The following CNTNAP2 variants were observed in gnomAD, a reference collection of about 807,000 sequenced individuals.
CNTNAP2 encodes the protein contactin associated protein 2.
In CNTNAP2, 98 loss-of-function variants were observed where a neutral mutation model predicts 155.2. That is an observed-to-expected ratio of 0.63 (90% confidence interval 0.54 to 0.75). The LOEUF is 0.75. CNTNAP2 is among the 30% of genes least tolerant of loss of function. The probability of loss-of-function intolerance (pLI) is 0.00; values close to 1 mark genes in which losing one functional copy is unlikely to be tolerated. For missense variants in CNTNAP2, 1,727 were observed against 1,688.1 expected, an observed-to-expected ratio of 1.02 and a Z score of -0.40; for synonymous variants, 651 against 631.2, an observed-to-expected ratio of 1.03 and a Z score of -0.47.
intron 1 of CNTNAP2, among the ~76,000 whole-genome samples, chr7:146,123,228 A>T (rs1261114741): frequency 6.6e-6 from 1 of 152,202 alleles, no homozygotes; most frequent in Admixed American, 6.5e-5. Context: ...TTACCTTGTG[A>T]TTTAGGTTTG....
chr7:147,238,078 G>C (rs1186448391), intron 8 of CNTNAP2, among the ~76,000 whole-genome samples: 1 of 152,150 alleles, frequency 6.6e-6, no homozygotes, highest in Non-Finnish European at 1.5e-5. Flanking sequence ...GCAGTGGCGC[G>C]ATCTCGGCTC....
intron 7 of CNTNAP2, among the ~76,000 whole-genome samples, 198 bp downstream of exon 7, chr7:147,129,034 CTTGAAGTAGGTGGTTGGTTT>C (rs1337248975): frequency 6.6e-6 from 1 of 152,090 alleles, no homozygotes; most frequent in African/African-American, 2.4e-5. Context: ...ATGGGACTAG[CTTGAAGTAGGTGGTTGGTTT>C]TATTCCCACG....
At chr7:146,228,535 G>T (rs553843677) in intron 1 of CNTNAP2, among the ~76,000 whole-genome samples, 1 of 152,140 alleles carries the variant, frequency 6.6e-6, no homozygotes, top group East Asian at 1.9e-4. Flanking sequence ...TTCAGTATAT[G>T]TATATATTCT....
chr7:146,371,958 C>CAAAA lies in CNTNAP2; in HGVS notation c.97+254995_97+254998dup, dbSNP rs111816450. On this transcript the variant is annotated intron_variant, in intron 1 of 23. Coordinates refer to ENST00000361727, the MANE Select transcript of CNTNAP2 (RefSeq NM_014141.6). ...TGGGCGACAGAGTGAAACTCCATCT[C>CAAAA]AAAAAAAAAAAAAGAAAAAATTGCA... Among the ~76,000 whole-genome samples the CAAAA allele has an allele frequency of 1.6e-3, 171 of 107,718 alleles. 1 individual carries two copies. The highest frequency in any genetic ancestry group is 5.0e-3 in the African/African-American group (164 of 32,814). The allele number at this position is 107,718 out of a possible 152,430, so 70.7% of individuals were successfully genotyped here.
At chr7:147,170,732 G>A (rs1802210227) in intron 8 of CNTNAP2, among the ~76,000 whole-genome samples, 1 of 152,130 alleles carries the variant, frequency 6.6e-6, no homozygotes, top group Non-Finnish European at 1.5e-5. Context: ...GGGATCTAAG[G>A]GGCCGCAGGC....
At chr7:146,518,113 C>G (rs906024388) in intron 1 of CNTNAP2, among the ~76,000 whole-genome samples, 1 of 151,866 alleles carries the variant, frequency 6.6e-6, no homozygotes, top group Middle Eastern at 3.4e-3. Context: ...CATTTCAGTT[C>G]AGTTTTAATT....
At chr7:147,122,550 C>G (rs1344657841) in intron 6 of CNTNAP2, 2 of 152,162 alleles carry the variant, frequency 1.3e-5, no homozygotes, top group Non-Finnish European at 2.9e-5. Flanking sequence ...TCAGATTTGC[C>G]AATGGCATTC....
intron 15 of CNTNAP2, among the ~76,000 whole-genome samples, chr7:148,067,885 T>C (rs1803297731): frequency 6.6e-6 from 1 of 152,096 alleles, no homozygotes; most frequent in East Asian, 1.9e-4. Flanking sequence ...CCCAGGGGGA[T>C]TATGGCTGCT....
intron 18 of CNTNAP2, among the ~76,000 whole-genome samples, chr7:148,210,925 C>G (rs1795536640): frequency 6.6e-6 from 1 of 152,228 alleles, no homozygotes. Flanking sequence ...AGGAGAAAAA[C>G]TGGTTGTGTT....
chr7:146,524,789 T>G (rs1175172077), intron 1 of CNTNAP2, among the ~76,000 whole-genome samples: 1 of 152,136 alleles, frequency 6.6e-6, no homozygotes, highest in African/African-American at 2.4e-5. Flanking sequence ...CTTTTTAAAG[T>G]AAACCATAGC....
At chr7:146,620,553 T>C (rs1799300262) in intron 1 of CNTNAP2, among the ~76,000 whole-genome samples, 1 of 152,212 alleles carries the variant, frequency 6.6e-6, no homozygotes. Flanking sequence ...CTATGACTCT[T>C]ATCTCCAGTT....
At chr7:146,331,983 C>A (rs1211760602) in intron 1 of CNTNAP2, among the ~76,000 whole-genome samples, 1 of 151,982 alleles carries the variant, frequency 6.6e-6, no homozygotes, top group African/African-American at 2.4e-5. Flanking sequence ...TAAAAGTAAT[C>A]TTTAAATTCT....
chr7:146,855,813 A>G (rs1162287424), intron 3 of CNTNAP2, among the ~76,000 whole-genome samples: 7 of 17,364 alleles, frequency 4.0e-4, no homozygotes, highest in African/African-American at 1.7e-3. Context: ...ATGAGTATAT[A>G]TATATATATA....
intron 3 of CNTNAP2, among the ~76,000 whole-genome samples, chr7:146,913,227 C>T (rs1331486467): frequency 2.0e-5 from 3 of 152,032 alleles, no homozygotes; most frequent in African/African-American, 7.3e-5. Context: ...TAGTAGTTGG[C>T]CAGGTTAGCT....
At chr7:148,251,988 C>T (rs1796371131) in intron 20 of CNTNAP2, among the ~76,000 whole-genome samples, 1 of 152,218 alleles carries the variant, frequency 6.6e-6, no homozygotes, top group Non-Finnish European at 1.5e-5. Flanking sequence ...CTCTTGGGTT[C>T]AGATAACCAA....
intron 4 of CNTNAP2, among the ~76,000 whole-genome samples, chr7:147,072,387 G>T (rs73740572): frequency 0.11 from 16,475 of 152,206 alleles, 2,418 homozygotes; most frequent in African/African-American, 0.34. Flanking sequence ...CCAACAGTTT[G>T]TATGTGTTGG....
chr7:148,066,342 A>G (rs1204592750), intron 15 of CNTNAP2, among the ~76,000 whole-genome samples: 1 of 152,186 alleles, frequency 6.6e-6, no homozygotes. Context: ...TAACAAGGCC[A>G]GGGAAGTTTT....
At chr7:146,216,845 T>C (rs1036186631) in intron 1 of CNTNAP2, among the ~76,000 whole-genome samples, 1 of 152,182 alleles carries the variant, frequency 6.6e-6, no homozygotes, top group African/African-American at 2.4e-5. Flanking sequence ...AGGAGGTTGG[T>C]TTATATCATC....
At chr7:148,067,202 T>C (rs949837740) in intron 15 of CNTNAP2, among the ~76,000 whole-genome samples, 2 of 152,192 alleles carry the variant, frequency 1.3e-5, no homozygotes, top group Admixed American at 6.5e-5. Context: ...CAGAATTGTT[T>C]TTCTGGTTCC....
Sources: gnomAD v4.1 joint callset for allele counts (sites outside exome capture counted in the v4.1 genomes callset) on GRCh38, gnomAD v4.1.1 for gene constraint, MANE v1.5 for transcripts, NCBI Gene and HGNC (gene_info 2026-07-23, HGNC 2026-07-21) for gene names.